WDR44: variants seen among roughly 807,000 people sequenced by gnomAD.
WDR44 encodes the protein WD repeat domain 44.
Under a neutral mutation model 65.7 loss-of-function variants are expected in WDR44, and 9 were observed. That is an observed-to-expected ratio of 0.14 (90% confidence interval 0.08 to 0.24). The LOEUF is 0.24. WDR44 is among the 10% of genes least tolerant of loss of function. WDR44 has a pLI of 1.00. For synonymous variants in WDR44, 220 were observed against 235.2 expected, an observed-to-expected ratio of 0.94 and a Z score of 0.59; for missense variants, 425 against 670.9, an observed-to-expected ratio of 0.63 and a Z score of 4.05.
intron 15 of WDR44, among the ~76,000 whole-genome samples, 178 bp from the exon 16 acceptor site, chrX:118,442,066 A>G (rs958494203): frequency 3.6e-5 from 4 of 110,986 alleles, no homozygotes; most frequent in African/African-American, 9.8e-5. Flanking sequence ...TATAGAGACA[A>G]AGTCTCATTC....
chrX:118,440,416 G>T (rs975782484), intron 14 of WDR44, among the ~76,000 whole-genome samples: 1 of 111,118 alleles, frequency 9.0e-6, no homozygotes, highest in South Asian at 3.8e-4. Flanking sequence ...GTTGAGAACC[G>T]CTGATTTGAG....
At chrX:118,378,065 C>T (rs2056678368) in intron 1 of WDR44, among the ~76,000 whole-genome samples, 2 of 110,538 alleles carry the variant, frequency 1.8e-5, no homozygotes, top group South Asian at 7.8e-4. Flanking sequence ...AAGTGATTCT[C>T]CTGCCTCAGC....
intron 12 of WDR44, among the ~76,000 whole-genome samples, chrX:118,428,430 G>A (rs757813727): frequency 2.7e-5 from 3 of 111,276 alleles, no homozygotes; most frequent in South Asian, 3.8e-4. Context: ...ACGAACTACC[G>A]TGCCTGGCCC....
intron 1 of WDR44, among the ~76,000 whole-genome samples, chrX:118,367,355 T>TTG (rs907770820): frequency 1.8e-5 from 2 of 111,692 alleles, no homozygotes; most frequent in African/African-American, 6.5e-5. Context: ...TGCTCTTTTT[T>TTG]TGTGTGTGTG....
At position 118,432,916 on chromosome X, in the gene WDR44, C is replaced by T. The variant is rs201389391; in HGVS notation, c.1851+22C>T. On this transcript the variant is annotated intron_variant, in intron 13 of 19. Transcript: ENST00000254029. ...TAAAGTAAGAAATTCTTATTTGAAT[C>T]ATATAGTAATTCTGCGTATAAGGAG... 1.2e-3 allele frequency: 1,405 copies of T among 1,138,667 alleles called. 2 individuals are homozygous for T. The highest frequency in any genetic ancestry group is 1.6e-3 in the Non-Finnish European group (1,350 of 831,642). 93.8% of individuals were successfully genotyped at this position (1,138,667 alleles called of 1,213,427 possible). A position where few individuals can be genotyped will look rare whatever the true frequency, so the allele number is the denominator to read the frequency against.
At chrX:118,384,277 G>A (rs1459754670) in intron 2 of WDR44, among the ~76,000 whole-genome samples, 4 of 111,911 alleles carry the variant, frequency 3.6e-5, no homozygotes, top group South Asian at 3.7e-4. Context: ...TGAACAAACT[G>A]TAGATAGAAC....
intron 12 of WDR44, among the ~76,000 whole-genome samples, chrX:118,432,481 A>T (rs1041008208): frequency 8.9e-6 from 1 of 111,773 alleles, no homozygotes; most frequent in African/African-American, 3.2e-5. Flanking sequence ...ACCAATCATG[A>T]TTCACTCGCT....
At position 118,406,882 on chromosome X, in the gene WDR44, T is replaced by C. The variant is rs1284095479; in HGVS notation, c.1389T>C (p.His463=). Residue 463 remains histidine, a synonymous_variant, in exon 10 of 20, where the codon CAT becomes CAC. Coordinates refer to ENST00000254029, the MANE Select transcript of WDR44 (RefSeq NM_019045.5). ...TGTTGCTTTTCTGTTCAGTGTTTCA[T>C]ACTGATCAAGATGATCCTTCATCAA... ...KVKSVRDEVF[H]TDQDDPSSSD... 1 of 1,208,031 alleles carries C rather than the reference T, an allele frequency of 8.3e-7. No homozygotes were observed. Among genetic ancestry groups the C allele is most frequent in the Non-Finnish European group, 1.1e-6 (1 of 893,246 alleles).
chrX:118,385,649 CTTAAAG>C (rs1213269407), intron 2 of WDR44, among the ~76,000 whole-genome samples: 1 of 109,624 alleles, frequency 9.1e-6, no homozygotes, highest in Non-Finnish European at 1.9e-5. Flanking sequence ...TACCCCTGAA[CTTAAAG>C]TTAAAAAAAA....
At chrX:118,349,588 C>T (rs189883577) in intron 1 of WDR44, among the ~76,000 whole-genome samples, 8 of 106,852 alleles carry the variant, frequency 7.5e-5, no homozygotes, top group East Asian at 2.9e-4. Context: ...GATGGAGTCT[C>T]GCTCTGTCGC....
intron 13 of WDR44, among the ~76,000 whole-genome samples, chrX:118,435,609 G>C (rs1602970859): frequency 8.9e-6 from 1 of 112,545 alleles, no homozygotes; most frequent in East Asian, 2.8e-4. Context: ...AATGAACATA[G>C]GTTCATGGTG....
chrX:118,395,200 T>C, intron 5 of WDR44, 49 bp from the exon 6 acceptor site: 1 of 1,079,059 alleles, frequency 9.3e-7, no homozygotes, highest in Non-Finnish European at 1.3e-6. Flanking sequence ...ATTGAAAATT[T>C]ATAGAAATTG....
chrX:118,447,032 ATT>A (rs72106099), intron 19 of WDR44: 642 of 266,259 alleles, frequency 2.4e-3, no homozygotes, highest in Middle Eastern at 5.8e-3. Flanking sequence ...TGCCTGGCTA[ATT>A]TTTTTTTTTT....
intron 1 of WDR44, among the ~76,000 whole-genome samples, chrX:118,358,731 C>A (rs1254505868): frequency 9.1e-6 from 1 of 109,520 alleles, no homozygotes. Flanking sequence ...AAAACCACCA[C>A]CACACACAGA....
At chrX:118,400,709 T>C (rs1329789797) in intron 8 of WDR44, among the ~76,000 whole-genome samples, 1 of 109,325 alleles carries the variant, frequency 9.1e-6, no homozygotes, top group East Asian at 2.9e-4. Flanking sequence ...AGGGTACATG[T>C]GCACATTGTG....
chrX:118,438,795 A>ATTTTTTTTTTTTTTTTT (rs2057276055), intron 14 of WDR44, among the ~76,000 whole-genome samples: 4 of 62,544 alleles, frequency 6.4e-5, no homozygotes, highest in East Asian at 5.7e-4. Flanking sequence ...CTGTTCAGCC[A>ATTTTTTTTTTTTTTTTT]TGTTTTTTTT....
intron 1 of WDR44, among the ~76,000 whole-genome samples, chrX:118,369,203 A>G (rs780434225): frequency 5.5e-5 from 6 of 109,319 alleles, no homozygotes; most frequent in South Asian, 3.9e-4. Context: ...ACAGAGTCTC[A>G]CTCTTTCACC....
chrX:118,416,849 T>C (rs2057061674), intron 12 of WDR44, among the ~76,000 whole-genome samples: 1 of 111,611 alleles, frequency 9.0e-6, no homozygotes. Context: ...TTAGTAATTG[T>C]TTTATAAATT....
intron 9 of WDR44, among the ~76,000 whole-genome samples, chrX:118,405,493 C>A (rs943639759): frequency 9.0e-6 from 1 of 111,055 alleles, no homozygotes; most frequent in Admixed American, 9.7e-5. Flanking sequence ...GCACCTGCCA[C>A]CACACCTGGC....
Sources: gnomAD v4.1 joint callset for allele counts (sites outside exome capture counted in the v4.1 genomes callset) on GRCh38, gnomAD v4.1.1 for gene constraint, MANE v1.5 for transcripts, NCBI Gene and HGNC (gene_info 2026-07-23, HGNC 2026-07-21) for gene names.